CLDN16: variants seen among roughly 807,000 people sequenced by gnomAD.
The protein encoded by CLDN16 is claudin-16.
A neutral mutation model predicts 24.6 loss-of-function variants in CLDN16; 13 were observed. The observed-to-expected ratio is 0.53, with a 90% CI of 0.34 to 0.84. The LOEUF is 0.84. CLDN16 is among the 40% of genes least tolerant of loss of function. The pLI is 0.01. For missense variants in CLDN16, 298 were observed against 292.7 expected, an observed-to-expected ratio of 1.02 and a Z score of -0.13; for synonymous variants, 116 against 106.7, an observed-to-expected ratio of 1.09 and a Z score of -0.54.
chr3:190,313,041 C>T, the CLDN16 span: 1 of 1,614,060 alleles, frequency 6.2e-7, no homozygotes. Flanking sequence ...ATGTGCCTGG[C>T]AGAAAACATT....
chr3:190,336,418 C>T (rs2108626555), intron 1 of CLDN16, among the ~76,000 whole-genome samples: 1 of 152,214 alleles, frequency 6.6e-6, no homozygotes, highest in South Asian at 2.1e-4. Flanking sequence ...AACATCCCTT[C>T]CAAGGTAAAG....
At chr3:190,324,875 C>T (rs1439816532) in intron 1 of CLDN16, among the ~76,000 whole-genome samples, 1 of 152,156 alleles carries the variant, frequency 6.6e-6, no homozygotes, top group African/African-American at 2.4e-5. Context: ...AAATACTGGC[C>T]TTTCATATCT....
intron 1 of CLDN16, among the ~76,000 whole-genome samples, chr3:190,400,107 G>A (rs1718926182): frequency 6.6e-6 from 1 of 152,056 alleles, no homozygotes. Context: ...AAGACCACTG[G>A]TATAGAACAC....
chr3:190,297,904 A>T, the CLDN16 span, among the ~76,000 whole-genome samples: 1 of 151,544 alleles, frequency 6.6e-6, no homozygotes, highest in African/African-American at 2.4e-5. Flanking sequence ...AGACTGAAAG[A>T]TAAGTTTGTC....
chr3:190,398,631 C>T (rs928587797), intron 1 of CLDN16, among the ~76,000 whole-genome samples: 3 of 152,184 alleles, frequency 2.0e-5, no homozygotes, highest in African/African-American at 7.2e-5. Context: ...CTTTCTCCAC[C>T]TTCACTGTGG....
intron 2 of CLDN16, among the ~76,000 whole-genome samples, chr3:190,403,980 T>C (rs1485971390): frequency 6.6e-6 from 1 of 152,152 alleles, no homozygotes; most frequent in Admixed American, 6.5e-5. Context: ...GAAGAAAATA[T>C]AATCACTCAT....
At chr3:190,298,037 C>T in the CLDN16 span, among the ~76,000 whole-genome samples, 1 of 151,884 alleles carries the variant, frequency 6.6e-6, no homozygotes, top group Non-Finnish European at 1.5e-5. Context: ...CCATTCTATC[C>T]AATGAGACAT....
upstream of CLDN16, among the ~76,000 whole-genome samples, chr3:190,320,258 A>G (rs1716883137): frequency 6.6e-6 from 1 of 152,246 alleles, no homozygotes; most frequent in Non-Finnish European, 1.5e-5. Context: ...AAACCTATTT[A>G]AAGATGTTGA....
At chr3:190,358,011 A>T (rs755709019) in intron 1 of CLDN16, among the ~76,000 whole-genome samples, 6 of 151,896 alleles carry the variant, frequency 4.0e-5, no homozygotes. Flanking sequence ...GAGGTCTGGT[A>T]GTAGGACTTC....
the CLDN16 span, among the ~76,000 whole-genome samples, chr3:190,301,354 G>A: frequency 6.6e-6 from 1 of 152,074 alleles, no homozygotes; most frequent in Non-Finnish European, 1.5e-5. Flanking sequence ...AATTAGCCGG[G>A]TGTGGTGGCT....
the CLDN16 span, among the ~76,000 whole-genome samples, chr3:190,314,134 T>A: frequency 6.6e-6 from 1 of 152,196 alleles, no homozygotes; most frequent in Non-Finnish European, 1.5e-5. Context: ...ATTATATAAG[T>A]AAAATGTAAA....
upstream of CLDN16, among the ~76,000 whole-genome samples, chr3:190,383,151 A>T (rs913478320): frequency 1.3e-5 from 2 of 152,108 alleles, no homozygotes; most frequent in Non-Finnish European, 2.9e-5. Context: ...TGGACCAGCT[A>T]TCTCTCTCCC....
At chr3:190,291,393 A>G in the CLDN16 span, among the ~76,000 whole-genome samples, 1 of 152,144 alleles carries the variant, frequency 6.6e-6, no homozygotes, top group Admixed American at 6.5e-5. Context: ...GGAGGCAGTC[A>G]CATCTTATAT....
the CLDN16 span, among the ~76,000 whole-genome samples, chr3:190,309,162 A>G: frequency 6.6e-6 from 1 of 152,318 alleles, no homozygotes; most frequent in East Asian, 1.9e-4. Flanking sequence ...CTCTCAAAGC[A>G]GGATAATCCC....
the CLDN16 span, chr3:190,310,239 C>T: frequency 1.2e-5 from 19 of 1,613,080 alleles, no homozygotes; most frequent in Non-Finnish European, 1.5e-5. Context: ...GCTGTGGCAA[C>T]TAAAATAGCC....
intron 1 of CLDN16, among the ~76,000 whole-genome samples, chr3:190,344,089 G>A (rs190046488): frequency 1.3e-5 from 2 of 151,772 alleles, no homozygotes; most frequent in Admixed American, 1.3e-4. Flanking sequence ...ACTTAAATGT[G>A]CACAATACAT....
upstream of CLDN16, among the ~76,000 whole-genome samples, chr3:190,383,862 C>T (rs991183079): frequency 6.6e-6 from 1 of 152,096 alleles, no homozygotes; most frequent in Non-Finnish European, 1.5e-5. Context: ...TATAAAACAG[C>T]AAACTTATAA....
chr3:190,298,375 A>G, the CLDN16 span, among the ~76,000 whole-genome samples: 1 of 149,324 alleles, frequency 6.7e-6, no homozygotes, highest in Non-Finnish European at 1.5e-5. Flanking sequence ...ACACACACAC[A>G]CCTTAACAAT....
intron 2 of CLDN16, 123 bp from the exon 3 acceptor site, chr3:190,404,639 T>A: frequency 4.5e-6 from 4 of 898,046 alleles, no homozygotes; most frequent in Non-Finnish European, 7.4e-6. Flanking sequence ...TCATACAAAG[T>A]CTGACTTTTA....
Sources: gnomAD v4.1 joint callset for allele counts (sites outside exome capture counted in the v4.1 genomes callset) on GRCh38, gnomAD v4.1.1 for gene constraint, MANE v1.5 for transcripts, NCBI Gene and HGNC (gene_info 2026-07-23, HGNC 2026-07-21) for gene names.